Variants in CACNA2D2 observed in about 807,000 individuals in gnomAD.
The protein encoded by CACNA2D2 is voltage-dependent calcium channel subunit alpha-2/delta-2.
Under a neutral mutation model 166.4 loss-of-function variants are expected in CACNA2D2, and 48 were observed. That is an observed-to-expected ratio of 0.29 (90% CI 0.23 to 0.37). The LOEUF (loss-of-function observed/expected upper bound fraction) is 0.37, where lower values mean the gene tolerates loss of function less well. Among genes scored for constraint, CACNA2D2 ranks in the 10% least tolerant of loss-of-function variants. CACNA2D2 has a pLI of 1.00. For missense variants in CACNA2D2, 1,122 were observed against 1,433.0 expected (o/e 0.78, Z 3.50); for synonymous variants, 561 against 573.7 (o/e 0.98, Z 0.32).
At chr3:50,467,551 A>C (rs1709874275) in intron 2 of CACNA2D2, among the ~76,000 whole-genome samples, 1 of 152,124 alleles carries the variant, frequency 6.6e-6, no homozygotes, top group African/African-American at 2.4e-5. Flanking sequence ...TGTGTACCCC[A>C]CAGGCATACG....
chr3:50,410,489 G>GGGT (rs1706957372), intron 3 of CACNA2D2, among the ~76,000 whole-genome samples: 1 of 151,980 alleles, frequency 6.6e-6, no homozygotes, highest in Non-Finnish European at 1.5e-5. Context: ...ATGGGGGGGG[G>GGGT]GGTGTTGTCT....
intron 1 of CACNA2D2, among the ~76,000 whole-genome samples, chr3:50,499,278 C>A (rs1019048359): frequency 6.6e-6 from 1 of 152,180 alleles, no homozygotes; most frequent in Non-Finnish European, 1.5e-5. Flanking sequence ...GCAGCATGAG[C>A]AAAGTAGAGA....
At chr3:50,428,982 C>T (rs577559538) in intron 3 of CACNA2D2, among the ~76,000 whole-genome samples, 2 of 152,298 alleles carry the variant, frequency 1.3e-5, no homozygotes, top group South Asian at 2.1e-4. Context: ...GTAATCCTAG[C>T]ACTTTGGGAG....
intron 2 of CACNA2D2, among the ~76,000 whole-genome samples, chr3:50,451,315 T>C (rs1262065021): frequency 1.3e-5 from 2 of 152,070 alleles, no homozygotes; most frequent in East Asian, 1.9e-4. Context: ...TTAGTAAAGA[T>C]GGGTTTCACC....
At chr3:50,428,037 C>T (rs942406112) in intron 3 of CACNA2D2, among the ~76,000 whole-genome samples, 34 of 152,184 alleles carry the variant, frequency 2.2e-4, no homozygotes, top group African/African-American at 4.6e-4. Context: ...TGCACCTCTC[C>T]GAGGCCCCCA....
Position 50,434,879 on chromosome 3 carries a change from G to A in CACNA2D2, c.289-450C>T, listed in dbSNP as rs546083094. Among the ~76,000 whole-genome samples, 3 of 152,246 alleles carry A rather than the reference G, an allele frequency of 2.0e-5. No homozygotes were observed. In the South Asian group the frequency reaches 6.2e-4, roughly 32 times the overall value. On this transcript the variant is annotated intron_variant, in intron 2 of 37. Transcript: ENST00000424201. ...CCAAAAAGAAGATGCTCACGCCCAT[G>A]CATGGGCACACACACAGCCATGCCT...
intron 1 of CACNA2D2, among the ~76,000 whole-genome samples, chr3:50,476,960 C>T (rs1411318807): frequency 6.9e-6 from 1 of 144,736 alleles, no homozygotes; most frequent in Admixed American, 7.0e-5. Context: ...GACAGAGTCT[C>T]GATCTGTCGC....
intron 22 of CACNA2D2, 28 bp from the exon 23 acceptor site, chr3:50,370,408 C>A: frequency 1.4e-6 from 1 of 690,238 alleles, no homozygotes; most frequent in South Asian, 3.3e-5. Flanking sequence ...GGTTATCCGG[C>A]GGGGGCTGGG....
chr3:50,492,092 C>T (rs574247818), intron 1 of CACNA2D2, among the ~76,000 whole-genome samples: 17 of 152,240 alleles, frequency 1.1e-4, no homozygotes, highest in Middle Eastern at 3.2e-3. Context: ...CAAGTACACC[C>T]CACCCTGAAG....
At chr3:50,451,274 C>T (rs979420259) in intron 2 of CACNA2D2, among the ~76,000 whole-genome samples, 3 of 152,082 alleles carry the variant, frequency 2.0e-5, no homozygotes, top group Admixed American at 6.5e-5. Context: ...TACAGGTGTG[C>T]GCCACCATGC....
chr3:50,460,869 A>G (rs1052423561), intron 2 of CACNA2D2, among the ~76,000 whole-genome samples: 4 of 152,156 alleles, frequency 2.6e-5, no homozygotes, highest in Non-Finnish European at 4.4e-5. Flanking sequence ...AAAAGAAAAA[A>G]AAAAAGTTCC....
In CACNA2D2 at chr3:50,457,200, A is replaced by G. The variant is rs992748942; in HGVS notation, c.288+18918T>C. Among the ~76,000 whole-genome samples the G allele has an allele frequency of 3.9e-5, 6 of 152,308 alleles. No individual in the cohort carries two copies. In the South Asian group the frequency reaches 1.2e-3, roughly 32 times the overall value. ...GGGAGGCGGAGGTTGCAGTGAGCCG[A>G]AATTGCACCACTGCACTCCAGCCTG... is the stretch of plus-strand genomic sequence containing the variant. On this transcript the variant is annotated intron_variant, in intron 2 of 37. Transcript: ENST00000424201.
chr3:50,380,010 T>C lies in CACNA2D2; in HGVS notation c.851A>G (p.Gln284Arg), dbSNP rs587688484. 6.2e-7 allele frequency: 1 copy of C among 1,614,062 alleles called. No individual in the cohort carries two copies. Among genetic ancestry groups the C allele is most frequent in the East Asian group, 2.2e-5 (1 of 44,888 alleles). ...YDVRRRPWYIQGASSPKDMVI... is the reference protein window; with the variant it reads ...YDVRRRPWYIRGASSPKDMVI... Reference sequence around the variant, plus strand: ...CATGTCTTTGGGTGACGAGGCCCCCTGGATATACCTGCCCAGGAGATGCCT... The same window carrying C: ...CATGTCTTTGGGTGACGAGGCCCCCCGGATATACCTGCCCAGGAGATGCCT... The change falls in exon 9 of 38, where the codon CAG (glutamine) becomes CGG (arginine). Residue 284 changes from glutamine to arginine, a missense_variant. By Grantham distance (43) the Gln-to-Arg change is conservative (BLOSUM62 1). This residue lies in a region of CACNA2D2 where 840 missense variants were observed against 1,166.8 expected (regional missense o/e 0.72). Transcript: ENST00000424201. This position sits in a 1 kb window ranked among gnomAD's most constrained non-coding sequence, Gnocchi z 4.9.
chr3:50,384,441 G>A (rs1486741737), intron 5 of CACNA2D2, 104 bp from the exon 6 acceptor site: 1 of 1,300,156 alleles, frequency 7.7e-7, no homozygotes, highest in Non-Finnish European at 1.1e-6. Flanking sequence ...CAGGAGATAG[G>A]GGCATCTCAA....
rs1704200426 is a variant in CACNA2D2 at position 50,365,448 on chromosome 3, G to C, written c.3006C>G (p.Arg1002=). 2 of 1,613,588 alleles carry C rather than the reference G, an allele frequency of 1.2e-6. No individual in the cohort carries two copies. The highest frequency in any genetic ancestry group is 2.2e-5 in the South Asian group (2 of 91,078). ...TCTGTTTCATGACGCAGCTGCTCTCGCGCGTCTCGGGGCTCCCCTCGGCCT... is the reference window on the plus strand; with the variant it reads ...TCTGTTTCATGACGCAGCTGCTCTCCCGCGTCTCGGGGCTCCCCTCGGCCT... ...PAEAEGSPET[R]ESSCVMKQTQ... is the part of the protein sequence containing the mutation. Residue 1002 remains arginine, a synonymous_variant, in exon 35 of 38, where the codon CGC becomes CGG. Transcript: ENST00000424201. This position sits in a 1 kb window ranked among gnomAD's most constrained non-coding sequence, Gnocchi z 4.5.
Position 50,375,124 on chromosome 3 carries a change from G to A in CACNA2D2, c.1908-311C>T, listed in dbSNP as rs1264730113. ...AGCCAACCTCCCTCTGACCCACAAGGGGCAGACGCTGCCGTGAGCTGGCTG... is the reference window on the plus strand; with the variant it reads ...AGCCAACCTCCCTCTGACCCACAAGAGGCAGACGCTGCCGTGAGCTGGCTG... On this transcript the variant is annotated intron_variant, in intron 21 of 37. Coordinates refer to ENST00000424201, the MANE Select transcript of CACNA2D2 (RefSeq NM_006030.4). This position sits in a 1 kb window ranked among gnomAD's most constrained non-coding sequence, Gnocchi z 4.0. Among the ~76,000 whole-genome samples the A allele has an allele frequency of 6.6e-6, 1 of 152,206 alleles. No homozygotes were observed. Among genetic ancestry groups the A allele is most frequent in the Non-Finnish European group, 1.5e-5 (1 of 68,016 alleles).
chr3:50,387,762 C>T (rs890486078), intron 4 of CACNA2D2, 150 bp from the exon 5 acceptor site: 6 of 651,710 alleles, frequency 9.2e-6, no homozygotes, highest in Non-Finnish European at 1.6e-5. Context: ...CTGGAAGGGC[C>T]GGATAGGTCA....
chr3:50,387,813 A>G (rs587618834), intron 4 of CACNA2D2, among the ~76,000 whole-genome samples: 1 of 152,256 alleles, frequency 6.6e-6, no homozygotes, highest in East Asian at 1.9e-4. Context: ...GGGGCCCTGC[A>G]CAGGCTCCAG....
chr3:50,459,944 C>G (rs1310073673), intron 2 of CACNA2D2, among the ~76,000 whole-genome samples: 1 of 152,198 alleles, frequency 6.6e-6, no homozygotes, highest in African/African-American at 2.4e-5. Flanking sequence ...TCCCCTGGCC[C>G]ACAGGCACTG....
Sources: allele counts gnomAD v4.1 joint callset (sites outside exome capture counted in the v4.1 genomes callset), GRCh38; gene constraint gnomAD v4.1.1; regional missense constraint gnomAD v4.1.1; non-coding constraint Gnocchi (gnomAD v3.1); transcripts MANE v1.5; gene names NCBI Gene and HGNC (gene_info 2026-07-23, HGNC 2026-07-21).